The following RNF128 variants were observed in gnomAD, a reference collection of about 807,000 sequenced individuals.
The protein encoded by RNF128 is E3 ubiquitin-protein ligase RNF128.
Under a neutral mutation model 26.2 loss-of-function variants are expected in RNF128, and 13 were observed. That is an observed-to-expected ratio of 0.50 (90% CI 0.32 to 0.79). The LOEUF (loss-of-function observed/expected upper bound fraction) is 0.79. Among genes scored for constraint, RNF128 ranks in the 30% least tolerant of loss-of-function variants. The pLI is 0.03. For missense variants in RNF128, 315 were observed against 349.7 expected (o/e 0.90, Z 0.79); for synonymous variants, 149 against 142.5 (o/e 1.05, Z -0.32).
At chrX:106,768,447 G>A (rs1453055831) in intron 1 of RNF128, among the ~76,000 whole-genome samples, 1 of 111,134 alleles carries the variant, frequency 9.0e-6, no homozygotes, top group African/African-American at 3.3e-5. Flanking sequence ...GTCTTGGGAG[G>A]GTGTATGTGT....
At chrX:106,783,651 G>A (rs1199017910) in intron 2 of RNF128, among the ~76,000 whole-genome samples, 1 of 111,249 alleles carries the variant, frequency 9.0e-6, no homozygotes, top group African/African-American at 3.3e-5. Flanking sequence ...TTCCACACAT[G>A]TATTAGTCGG....
intron 1 of RNF128, among the ~76,000 whole-genome samples, chrX:106,694,819 C>G (rs965643044): frequency 1.8e-5 from 2 of 111,560 alleles, no homozygotes; most frequent in Admixed American, 9.6e-5. Flanking sequence ...AAAACAGTTT[C>G]ATTATGCTTA....
In RNF128 at chrX:106,764,120, G is replaced by A. The variant is rs779490175; in HGVS notation, c.485-8793G>A. Among the ~76,000 whole-genome samples, 657 of 108,822 alleles carry A rather than the reference G, an allele frequency of 6.0e-3. 2 individuals are homozygous for A. Among genetic ancestry groups the A allele is most frequent in the Non-Finnish European group, 9.4e-3 (493 of 52,219 alleles). 94.5% of individuals were successfully genotyped at this position (108,822 alleles called of 115,157 possible). On this transcript the variant is annotated intron_variant, in intron 1 of 6. Transcript: ENST00000255499. Reference sequence around the variant, plus strand: ...TGGGGCTACAGGTGCCCGCCACCACGCCCGACTAATTTTTTTTTGTATTTT... The same window carrying A: ...TGGGGCTACAGGTGCCCGCCACCACACCCGACTAATTTTTTTTTGTATTTT...
upstream of RNF128, among the ~76,000 whole-genome samples, chrX:106,725,500 CTG>C (rs1300740093): frequency 8.9e-5 from 10 of 111,987 alleles, no homozygotes; most frequent in African/African-American, 3.2e-4. Flanking sequence ...ATAAAGTAGA[CTG>C]TATTTATTTG....
At position 106,727,196 on chromosome X, in the gene RNF128, G is replaced by A; in HGVS notation, c.283G>A (p.Ala95Thr). 1.7e-6 allele frequency: 2 copies of A among 1,211,673 alleles called. No individual in the cohort carries two copies. Among genetic ancestry groups the A allele is most frequent in the Non-Finnish European group, 2.2e-6 (2 of 895,445 alleles). Residue 95 changes from alanine (A) to threonine (T), a missense_variant, in exon 1 of 7, where the codon GCC becomes ACC. Transcript: ENST00000255499. ...VPPDGPGALNACNPHTNFTVP... is the reference protein window; with the variant it reads ...VPPDGPGALNTCNPHTNFTVP... ...GCCCGACGGGCCCGGGGCGCTTAAC[G>A]CCTGTAACCCGCACACGAATTTCAC...
intron 1 of RNF128, among the ~76,000 whole-genome samples, chrX:106,731,560 G>A (rs1220594487): frequency 8.9e-6 from 1 of 111,796 alleles, no homozygotes; most frequent in African/African-American, 3.3e-5. Context: ...TATTCCCAAA[G>A]CCATTTTCAG....
At chrX:106,698,934 C>T (rs974934478) in intron 1 of RNF128, among the ~76,000 whole-genome samples, 2 of 111,116 alleles carry the variant, frequency 1.8e-5, no homozygotes, top group African/African-American at 6.6e-5. Flanking sequence ...TTCAGTGCCT[C>T]AATTCCACTA....
intron 1 of RNF128, among the ~76,000 whole-genome samples, chrX:106,701,216 G>C (rs1006968863): frequency 1.8e-5 from 2 of 110,204 alleles, no homozygotes; most frequent in African/African-American, 6.6e-5. Flanking sequence ...TTTTCCAATG[G>C]TCTTATTCCA....
chrX:106,713,376 C>T (rs1929163009), intron 1 of RNF128, among the ~76,000 whole-genome samples: 1 of 110,074 alleles, frequency 9.1e-6, no homozygotes, highest in South Asian at 4.0e-4. Context: ...GGGCTGGTGG[C>T]GCAGCCTGTA....
At chrX:106,762,430 C>T (rs1216355180) in intron 1 of RNF128, among the ~76,000 whole-genome samples, 2 of 109,835 alleles carry the variant, frequency 1.8e-5, no homozygotes, top group South Asian at 4.0e-4. Context: ...TCTCCTGCCT[C>T]AGCCTCCCGA....
At position 106,795,668 on chromosome X, in the gene RNF128, C is replaced by T. The variant is rs368673263; in HGVS notation, c.1242C>T (p.Asp414=). Residue 414 remains aspartate (D), a synonymous_variant, in exon 7 of 7, where the codon GAC becomes GAT. Coordinates refer to ENST00000255499, the MANE Select transcript of RNF128 (RefSeq NM_194463.2). ...PHVDNPTFEE[D]ETPNQETAVR... ...TTGACAACCCAACCTTTGAAGAAGA[C>T]GAAACTCCTAATCAAGAGACTGCTG... 103 of 1,197,677 alleles carry T rather than the reference C, an allele frequency of 8.6e-5. No individual in the cohort carries two copies. In the Middle Eastern group the frequency reaches 5.8e-3, roughly 67 times the overall value.
At chrX:106,728,958 A>C (rs1337870014) in intron 1 of RNF128, among the ~76,000 whole-genome samples, 1 of 112,200 alleles carries the variant, frequency 8.9e-6, no homozygotes, top group African/African-American at 3.2e-5. Context: ...AAGTTACTGA[A>C]AATCAAGAAT....
chrX:106,753,035 A>C (rs183699825), intron 1 of RNF128, among the ~76,000 whole-genome samples: 63 of 111,534 alleles, frequency 5.6e-4, no homozygotes, highest in East Asian at 1.7e-3. Context: ...AAAAAGAATA[A>C]AATAGAATGA....
At chrX:106,766,485 T>A (rs756130706) in intron 1 of RNF128, among the ~76,000 whole-genome samples, 1 of 112,644 alleles carries the variant, frequency 8.9e-6, no homozygotes, top group Non-Finnish European at 1.9e-5. Flanking sequence ...CATTTTTTCA[T>A]GTGTCTTTTG....
intron 1 of RNF128, among the ~76,000 whole-genome samples, chrX:106,738,085 A>G (rs994418686): frequency 1.8e-4 from 20 of 111,874 alleles, no homozygotes; most frequent in African/African-American, 6.5e-4. Flanking sequence ...ATTTCAACCT[A>G]TTGTACCAAG....
intron 1 of RNF128, among the ~76,000 whole-genome samples, chrX:106,769,807 T>G (rs1332927777): frequency 9.0e-6 from 1 of 110,943 alleles, no homozygotes; most frequent in Non-Finnish European, 1.9e-5. Flanking sequence ...GTTAGCTGGT[T>G]ATTTTGCTCG....
chrX:106,700,085 A>T (rs1456311515), intron 1 of RNF128, among the ~76,000 whole-genome samples: 1 of 107,860 alleles, frequency 9.3e-6, no homozygotes, highest in Admixed American at 1.0e-4. Flanking sequence ...GCAGTGACAC[A>T]AACAAAGTTC....
chrX:106,766,485 T>C (rs756130706), intron 1 of RNF128, among the ~76,000 whole-genome samples: 1 of 112,698 alleles, frequency 8.9e-6, no homozygotes, highest in East Asian at 2.8e-4. Context: ...CATTTTTTCA[T>C]GTGTCTTTTG....
chrX:106,737,684 C>T (rs768856804), intron 1 of RNF128, among the ~76,000 whole-genome samples: 4 of 111,224 alleles, frequency 3.6e-5, no homozygotes, highest in Non-Finnish European at 7.6e-5. Flanking sequence ...CTCTTATCTT[C>T]GAAGATTTCA....
Sources: allele counts gnomAD v4.1 joint callset (sites outside exome capture counted in the v4.1 genomes callset), GRCh38; gene constraint gnomAD v4.1.1; transcripts MANE v1.5; gene names NCBI Gene and HGNC (gene_info 2026-07-23, HGNC 2026-07-21).